The following CPNE8 variants were observed in gnomAD, a reference collection of about 807,000 sequenced individuals.
The protein encoded by CPNE8 is copine-8.
In CPNE8, 45 loss-of-function variants were observed where a neutral mutation model predicts 81.5. The observed-to-expected ratio is 0.55, with a 90% CI of 0.44 to 0.71. CPNE8 has a LOEUF of 0.71. Among genes scored for constraint, CPNE8 ranks in the 30% least tolerant of loss-of-function variants. The probability of loss-of-function intolerance (pLI) is 0.00; values close to 1 mark genes in which losing one functional copy is unlikely to be tolerated. For missense variants in CPNE8, 594 were observed against 672.1 expected (o/e 0.88, Z 1.28); for synonymous variants, 252 against 226.3 (o/e 1.11, Z -1.02).
At chr12:38,736,874 G>A (rs1357080071) in intron 10 of CPNE8, among the ~76,000 whole-genome samples, 1 of 151,932 alleles carries the variant, frequency 6.6e-6, no homozygotes, top group Non-Finnish European at 1.5e-5. Flanking sequence ...TTATGACCTT[G>A]GATACTTATC....
chr12:38,765,674 G>A (rs896083740), intron 8 of CPNE8, among the ~76,000 whole-genome samples: 2 of 152,088 alleles, frequency 1.3e-5, no homozygotes, highest in Non-Finnish European at 2.9e-5. Flanking sequence ...CTATGTGTGC[G>A]TACACATACA....
At chr12:38,854,150 G>T (rs771205688) in intron 3 of CPNE8, among the ~76,000 whole-genome samples, 3 of 151,744 alleles carry the variant, frequency 2.0e-5, no homozygotes, top group Non-Finnish European at 4.4e-5. Flanking sequence ...ATCTAAAACC[G>T]CAATTTAGGA....
chr12:38,806,193 A>G (rs1258802800), intron 6 of CPNE8, among the ~76,000 whole-genome samples: 2 of 150,458 alleles, frequency 1.3e-5, no homozygotes, highest in African/African-American at 2.4e-5. Flanking sequence ...AACTGGTAGC[A>G]TTCCTTCTGA....
chr12:38,663,054 G>A (rs763393240), intron 19 of CPNE8, among the ~76,000 whole-genome samples: 8 of 151,948 alleles, frequency 5.3e-5, no homozygotes, highest in Non-Finnish European at 8.8e-5. Flanking sequence ...AAACCACAGG[G>A]GAAATGCATC....
intron 13 of CPNE8, among the ~76,000 whole-genome samples, chr12:38,704,938 A>C: frequency 9.1e-6 from 1 of 109,904 alleles, no homozygotes; most frequent in Non-Finnish European, 1.8e-5. Flanking sequence ...TTTTTTGCTG[A>C]TGGAAACTAA....
chr12:38,674,313 T>C (rs1302329159), intron 18 of CPNE8, among the ~76,000 whole-genome samples: 1 of 152,136 alleles, frequency 6.6e-6, no homozygotes, highest in Non-Finnish European at 1.5e-5. Context: ...GTTTACCATC[T>C]CTGAGGTCAT....
chr12:38,762,447 A>C (rs1941592459), intron 8 of CPNE8, among the ~76,000 whole-genome samples: 1 of 152,216 alleles, frequency 6.6e-6, no homozygotes, highest in Admixed American at 6.5e-5. Flanking sequence ...ATAAATCCTA[A>C]AGTTGTTTTG....
intron 13 of CPNE8, among the ~76,000 whole-genome samples, chr12:38,716,715 G>A (rs1165585514): frequency 6.6e-6 from 1 of 151,926 alleles, no homozygotes; most frequent in Non-Finnish European, 1.5e-5. Flanking sequence ...AAAACTCTCT[G>A]GACATTGGCT....
intron 6 of CPNE8, among the ~76,000 whole-genome samples, chr12:38,825,878 G>A (rs1444467549): frequency 1.3e-5 from 2 of 152,098 alleles, no homozygotes; most frequent in East Asian, 3.9e-4. Context: ...CTTTCCACTA[G>A]CAAACTAATC....
intron 13 of CPNE8, among the ~76,000 whole-genome samples, chr12:38,713,856 G>A (rs1940321606): frequency 6.6e-6 from 1 of 152,110 alleles, no homozygotes; most frequent in African/African-American, 2.4e-5. Context: ...ACAGTCTGTA[G>A]ACCTCCAAGT....
chr12:38,894,906 G>A (rs1944368421), intron 1 of CPNE8, among the ~76,000 whole-genome samples: 2 of 152,044 alleles, frequency 1.3e-5, no homozygotes, highest in Non-Finnish European at 2.9e-5. Flanking sequence ...GATGCAATAA[G>A]AAGGATCTGC....
chr12:38,811,001 T>C (rs571148713), intron 6 of CPNE8, among the ~76,000 whole-genome samples: 2 of 152,222 alleles, frequency 1.3e-5, no homozygotes, highest in East Asian at 3.9e-4. Context: ...GTAAGTACAT[T>C]AAGCCCACCC....
At chr12:38,904,014 C>T (rs745324754) in intron 1 of CPNE8, among the ~76,000 whole-genome samples, 3 of 152,142 alleles carry the variant, frequency 2.0e-5, no homozygotes, top group African/African-American at 4.8e-5. Flanking sequence ...ACTTCTACTA[C>T]GGTTGCTGGT....
chr12:38,831,937 C>T (rs1943294451), intron 5 of CPNE8, among the ~76,000 whole-genome samples: 1 of 152,152 alleles, frequency 6.6e-6, no homozygotes, highest in African/African-American at 2.4e-5. Context: ...CAGTAAAAGC[C>T]ATCTGTGCTG....
At chr12:38,806,466 G>A (rs1292647052) in intron 6 of CPNE8, among the ~76,000 whole-genome samples, 1 of 149,898 alleles carries the variant, frequency 6.7e-6, no homozygotes, top group African/African-American at 2.4e-5. Flanking sequence ...ATCAATAAAT[G>A]TAATCCAGCA....
intron 6 of CPNE8, among the ~76,000 whole-genome samples, chr12:38,811,808 G>A (rs1406860753): frequency 6.6e-6 from 1 of 152,196 alleles, no homozygotes; most frequent in Non-Finnish European, 1.5e-5. Flanking sequence ...TGAGTTCGAG[G>A]CTGCAGTGAG....
chr12:38,854,344 A>G (rs1025916888), intron 3 of CPNE8, among the ~76,000 whole-genome samples: 3 of 126,070 alleles, frequency 2.4e-5, no homozygotes, highest in East Asian at 2.9e-4. Flanking sequence ...TCATTATCCG[A>G]GGCATTTTTT....
At chr12:38,793,348 ACACACACT>A (rs1317524166) in intron 6 of CPNE8, among the ~76,000 whole-genome samples, 4 of 151,752 alleles carry the variant, frequency 2.6e-5, no homozygotes, top group African/African-American at 9.7e-5. Context: ...ACACACACAC[ACACACACT>A]GTTAGAACTA....
At chr12:38,778,054 C>T (rs1941971365) in intron 6 of CPNE8, among the ~76,000 whole-genome samples, 1 of 152,136 alleles carries the variant, frequency 6.6e-6, no homozygotes, top group Non-Finnish European at 1.5e-5. Context: ...TGCAGGAAAA[C>T]AAGCTCAGGG....
Sources: allele counts gnomAD v4.1 joint callset (sites outside exome capture counted in the v4.1 genomes callset), GRCh38; gene constraint gnomAD v4.1.1; transcripts MANE v1.5; gene names NCBI Gene and HGNC (gene_info 2026-07-23, HGNC 2026-07-21).